ERCC5: variants seen among roughly 807,000 people sequenced by gnomAD.
ERCC5 encodes the protein ERCC excision repair 5, endonuclease.
Under a neutral mutation model 105.6 loss-of-function variants are expected in ERCC5, and 68 were observed. The ratio of observed to expected loss-of-function variants is 0.64; its 90% CI spans 0.53 to 0.79. ERCC5 has a LOEUF of 0.79. ERCC5 is among the 30% of genes least tolerant of loss of function. The probability of loss-of-function intolerance (pLI) is 0.00; values close to 1 mark genes in which losing one functional copy is unlikely to be tolerated. For synonymous variants in ERCC5, 546 were observed against 526.2 expected, an observed-to-expected ratio of 1.04 and a Z score of -0.51; for missense variants, 1,373 against 1,426.7, an observed-to-expected ratio of 0.96 and a Z score of 0.61.
Position 102,852,229 on chromosome 13 carries a change from T to C in ERCC5, c.200T>C (p.Phe67Ser), listed in dbSNP as rs761224800. 1 of 1,614,066 alleles carries C rather than the reference T, an allele frequency of 6.2e-7. No individual in the cohort carries two copies. The highest frequency in any genetic ancestry group is 1.3e-5 in the African/African-American group (1 of 74,934). ...TLFHRLCKLL[F>S]FRIRPIFVFD... is the part of the protein sequence containing the mutation. Reference sequence around the variant, plus strand: ...TTTCATCGGCTCTGCAAACTCTTATTTTTTCGAATTCGTCCTATTTTTGTG... The same window carrying C: ...TTTCATCGGCTCTGCAAACTCTTATCTTTTCGAATTCGTCCTATTTTTGTG... Residue 67 changes from phenylalanine (F) to serine (S), a missense_variant, in exon 2 of 15, where the codon TTT (phenylalanine) becomes TCT (serine). By Grantham distance (155) the Phe-to-Ser change is radical. This residue lies in a region of ERCC5 where 1,004 missense variants were observed against 1,059.7 expected (regional missense o/e 0.95). Coordinates refer to ENST00000652225, the MANE Select transcript of ERCC5 (RefSeq NM_000123.4).
rs987205424 is a variant in ERCC5, at chr13:102,848,213, A to G, written c.88+1859A>G. On this transcript the variant is annotated intron_variant, in intron 1 of 14. Transcript: ENST00000652225. Reference sequence around the variant, plus strand: ...ATAAACTCGTTTATGTCAAAGGAGTATATCTGATTACTTGTTCTACAATCG... The same window carrying G: ...ATAAACTCGTTTATGTCAAAGGAGTGTATCTGATTACTTGTTCTACAATCG... Among the ~76,000 whole-genome samples, 12 of 152,364 alleles carry G rather than the reference A, an allele frequency of 7.9e-5. No individual in the cohort carries two copies. In the South Asian group the frequency reaches 8.3e-4, roughly 11 times the overall value.
intron 1 of ERCC5, among the ~76,000 whole-genome samples, chr13:102,846,714 A>T (rs1881981263): frequency 6.6e-6 from 1 of 152,216 alleles, no homozygotes; most frequent in African/African-American, 2.4e-5. Context: ...ACTGTATTTT[A>T]AAATTTTTTG....
At chr13:102,870,136 A>G (rs1292020485) in intron 12 of ERCC5, among the ~76,000 whole-genome samples, 2 of 152,188 alleles carry the variant, frequency 1.3e-5, no homozygotes, top group Non-Finnish European at 2.9e-5. Flanking sequence ...TGGCTGGTGA[A>G]TCATTCTTAG....
At chr13:102,870,709 G>A (rs1377574010) in intron 12 of ERCC5, among the ~76,000 whole-genome samples, 1 of 152,106 alleles carries the variant, frequency 6.6e-6, no homozygotes, top group Non-Finnish European at 1.5e-5. Context: ...GCATTTTGTT[G>A]TTATAATACT....
intron 1 of ERCC5, among the ~76,000 whole-genome samples, chr13:102,850,181 C>T (rs1355899514): frequency 2.0e-5 from 3 of 152,124 alleles, no homozygotes; most frequent in South Asian, 2.1e-4. Context: ...CCGCCTTGGC[C>T]TCCCAAAGTG....
At position 102,866,732 on chromosome 13, in the gene ERCC5, T is replaced by C; in HGVS notation, c.2420T>C (p.Ile807Thr). 2 of 1,614,284 alleles carry C rather than the reference T, an allele frequency of 1.2e-6. No individual in the cohort carries two copies. Among genetic ancestry groups the C allele is most frequent in the Non-Finnish European group, 1.7e-6 (2 of 1,180,048 alleles). The change falls in exon 11 of 15, where the codon ATC becomes ACC. Residue 807 changes from isoleucine to threonine, a missense_variant. Physicochemically the swap from Ile to Thr is moderately conservative, Grantham distance 89. Around this residue, in one of 3 missense-constraint regions of ERCC5, gnomAD observed 1,004 missense variants for 1,059.7 expected, o/e 0.95. Transcript: ENST00000652225. ...CTGACTGATCAGACTTCCGGAACCA[T>C]CACTGATGACAGTGATATCTGGCTG... ...LDLTDQTSGT[I>T]TDDSDIWLFG...
intron 2 of ERCC5, among the ~76,000 whole-genome samples, 177 bp downstream of exon 2, chr13:102,852,470 T>C (rs1043466391): frequency 3.3e-5 from 5 of 152,220 alleles, no homozygotes; most frequent in Admixed American, 6.5e-5. Flanking sequence ...TTTTAAAAAG[T>C]TTTATGAGAG....
At position 102,861,631 on chromosome 13, in the gene ERCC5, A is replaced by G. The variant is rs1882621656; in HGVS notation, c.797A>G (p.Tyr266Cys). The change falls in exon 7 of 15, where the codon TAT becomes TGT. Residue 266 changes from tyrosine (Y) to cysteine (C), a missense_variant. This residue lies in a region of ERCC5 where 1,004 missense variants were observed against 1,059.7 expected (regional missense o/e 0.95). Transcript: ENST00000652225. ...QQHSGHIRRQ[Y>C]EDEGGFLKEV... ...CATTCAGGACACATCCGAAGGCAGTATGAAGATGAAGGGGGCTTTCTGAAG... is the reference window on the plus strand; with the variant it reads ...CATTCAGGACACATCCGAAGGCAGTGTGAAGATGAAGGGGGCTTTCTGAAG... 2 of 1,614,176 alleles carry G rather than the reference A, an allele frequency of 1.2e-6. No individual in the cohort carries two copies. Among genetic ancestry groups the G allele is most frequent in the East Asian group, 2.2e-5 (1 of 44,880 alleles).
intron 2 of ERCC5, among the ~76,000 whole-genome samples, chr13:102,853,288 C>G (rs986283286): frequency 6.6e-6 from 1 of 152,172 alleles, no homozygotes; most frequent in Non-Finnish European, 1.5e-5. Context: ...ACTACTTGAA[C>G]ATTTCTTACA....
intron 12 of ERCC5, among the ~76,000 whole-genome samples, chr13:102,871,886 C>T (rs530508441): frequency 2.0e-5 from 3 of 152,164 alleles, no homozygotes; most frequent in Admixed American, 1.3e-4. Flanking sequence ...GCTGTGAAAT[C>T]TTGAGCCAGT....
rs765932206 is a variant in ERCC5 at position 102,866,784 on chromosome 13, CTTT to C, written c.2476_2478del (p.Phe826del). On this transcript the variant is annotated inframe_deletion, in exon 11 of 15. Coordinates refer to ENST00000652225, the MANE Select transcript of ERCC5 (RefSeq NM_000123.4). ...TTGGAGCGCGGCATGTCTATAGAAA[CTTT>C]TTTAATAAAAACAAGTTTGTAGAAT... 3 of 1,614,138 alleles carry C rather than the reference CTTT, an allele frequency of 1.9e-6. No individual in the cohort carries two copies. Among genetic ancestry groups the C allele is most frequent in the Non-Finnish European group, 2.5e-6 (3 of 1,179,992 alleles).
chr13:102,870,841 G>A lies in ERCC5; in HGVS notation c.2679-1357G>A, dbSNP rs192345320. Among the ~76,000 whole-genome samples the A allele has an allele frequency of 5.2e-4, 79 of 152,316 alleles. 1 individual carries two copies. The highest frequency in any genetic ancestry group is 1.7e-3 in the African/African-American group (71 of 41,568). ...TGCTGCACTAGCAAGCTTGTGAAGC[G>A]GGGGAGCCTGAGCTGCGGGCGTTTT... On this transcript the variant is annotated intron_variant, in intron 12 of 14. Coordinates refer to ENST00000652225, the MANE Select transcript of ERCC5 (RefSeq NM_000123.4).
chr13:102,873,281 T>C lies in ERCC5; in HGVS notation c.2902T>C (p.Trp968Arg). 1 of 1,614,140 alleles carries C rather than the reference T, an allele frequency of 6.2e-7. No individual in the cohort carries two copies. The highest frequency in any genetic ancestry group is 8.5e-7 in the Non-Finnish European group (1 of 1,180,012). ...IREFCQRYFG[W>R]NRTKTDESLF... ...CATATTTTGTCAGCGGTATTTCGGC[T>C]GGAACAGAACGAAGACAGATGAATC... Residue 968 changes from tryptophan to arginine, a missense_variant, in exon 14 of 15, where the codon TGG (tryptophan) becomes CGG (arginine). Trp to Arg is a moderately radical substitution (Grantham distance 101). Coordinates refer to ENST00000652225, the MANE Select transcript of ERCC5 (RefSeq NM_000123.4).
chr13:102,875,691 A>G lies in ERCC5; in HGVS notation c.3349A>G (p.Thr1117Ala), dbSNP rs961724615. 3 of 1,614,188 alleles carry G rather than the reference A, an allele frequency of 1.9e-6. No homozygotes were observed. The highest frequency in any genetic ancestry group is 1.7e-6 in the Non-Finnish European group (2 of 1,180,032). The change falls in exon 15 of 15, where the codon ACA becomes GCA. Residue 1117 changes from threonine to alanine, a missense_variant. Physicochemically the swap from Thr to Ala is moderately conservative, Grantham distance 58. Around this residue, in one of 3 missense-constraint regions of ERCC5, gnomAD observed 367 missense variants for 350.2 expected, o/e 1.05. Transcript: ENST00000652225. ...SSSLMNVQRR[T>A]AAKEPKTSAS... ...ATCTTTAATGAATGTACAAAGGAGA[A>G]CAGCTGCGAAAGAGCCAAAAACCAG...
intron 5 of ERCC5, among the ~76,000 whole-genome samples, chr13:102,856,858 G>T (rs1218933960): frequency 3.3e-5 from 5 of 152,218 alleles, no homozygotes; most frequent in Non-Finnish European, 7.3e-5. Context: ...TGTATTCCCA[G>T]TGTGGGCATC....
intron 5 of ERCC5, among the ~76,000 whole-genome samples, chr13:102,857,528 G>A (rs560704629): frequency 6.6e-6 from 1 of 152,096 alleles, no homozygotes; most frequent in South Asian, 2.1e-4. Flanking sequence ...ACATCAGGTT[G>A]TATTAGCTTA....
chr13:102,866,883 T>G (rs541853023), intron 11 of ERCC5, 38 bp downstream of exon 11: 4 of 1,569,334 alleles, frequency 2.5e-6, no homozygotes, highest in Admixed American at 3.7e-5. Context: ...TTTCTGACAT[T>G]TACCTTCAGA....
At chr13:102,846,655 T>C (rs1334409497) in intron 1 of ERCC5, among the ~76,000 whole-genome samples, 2 of 152,268 alleles carry the variant, frequency 1.3e-5, no homozygotes, top group African/African-American at 4.8e-5. Flanking sequence ...CGTTTCTAGC[T>C]TACTTGTAAT....
At chr13:102,869,211 C>T (rs1275827635) in intron 12 of ERCC5, among the ~76,000 whole-genome samples, 1 of 152,186 alleles carries the variant, frequency 6.6e-6, no homozygotes. Flanking sequence ...CCAGTCATAG[C>T]ACACTCACCA....
Sources: gnomAD v4.1 joint callset for allele counts (sites outside exome capture counted in the v4.1 genomes callset) on GRCh38, gnomAD v4.1.1 for gene constraint, gnomAD v4.1.1 regional missense constraint, MANE v1.5 for transcripts, NCBI Gene and HGNC (gene_info 2026-07-23, HGNC 2026-07-21) for gene names.